MPP7: variants seen among roughly 807,000 people sequenced by gnomAD.
MPP7 encodes MAGUK p55 scaffold protein 7.
In MPP7, 60 loss-of-function variants were observed where a neutral mutation model predicts 76.5. The ratio of observed to expected loss-of-function variants is 0.78; its 90% CI spans 0.64 to 0.97. The LOEUF (loss-of-function observed/expected upper bound fraction) is 0.97. Among genes scored for constraint, MPP7 ranks in the 50% least tolerant of loss-of-function variants. MPP7 has a pLI of 0.00. For synonymous variants in MPP7, 237 were observed against 244.5 expected, an observed-to-expected ratio of 0.97 and a Z score of 0.29; for missense variants, 641 against 694.0, an observed-to-expected ratio of 0.92 and a Z score of 0.86.
rs1835745385 is a variant in MPP7, at chr10:28,147,458, TATTACCGGCGTAAC to T, written c.315+11_315+24del. ...GAAAGTGGCCCTGTTTGAAGGTATT[TATTACCGGCGTAAC>T]ATGTCCTCACCTTCACATTGGGTTT... On this transcript the variant is annotated intron_variant, in intron 5 of 16. Coordinates refer to ENST00000683449, the MANE Select transcript of MPP7 (RefSeq NM_001318170.2). The T allele has an allele frequency of 6.3e-7, 1 of 1,591,800 alleles. No individual in the cohort carries two copies. Among genetic ancestry groups the T allele is most frequent in the Non-Finnish European group, 8.6e-7 (1 of 1,159,598 alleles).
chr10:28,150,644 C>T (rs1835854532), intron 3 of MPP7, among the ~76,000 whole-genome samples: 1 of 152,094 alleles, frequency 6.6e-6, no homozygotes, highest in African/African-American at 2.4e-5. Context: ...CTTTCCCCCT[C>T]AACTTCAAAT....
At chr10:28,332,603 C>G (rs746383986) in intron 1 of MPP7, among the ~76,000 whole-genome samples, 1 of 152,082 alleles carries the variant, frequency 6.6e-6, no homozygotes, top group Non-Finnish European at 1.5e-5. Context: ...AATTGTAGCA[C>G]TTACTCTCCA....
chr10:28,281,927 A>G (rs1840685823), intron 1 of MPP7: 1 of 152,082 alleles, frequency 6.6e-6, no homozygotes, highest in Non-Finnish European at 1.5e-5. Flanking sequence ...TACACCAATT[A>G]AGCAAGGAAG....
chr10:28,112,962 G>C (rs1834550180), intron 11 of MPP7, among the ~76,000 whole-genome samples: 1 of 152,120 alleles, frequency 6.6e-6, no homozygotes, highest in Admixed American at 6.5e-5. Flanking sequence ...ATGGCTTCAA[G>C]CTCTCTGCCT....
At chr10:28,317,145 G>T (rs1166056834) in intron 2 of MPP7, among the ~76,000 whole-genome samples, 1 of 152,174 alleles carries the variant, frequency 6.6e-6, no homozygotes, top group Admixed American at 6.5e-5. Flanking sequence ...GAGCATCCTT[G>T]TCATTAGCAT....
intron 11 of MPP7, among the ~76,000 whole-genome samples, chr10:28,098,516 T>C (rs1281709777): frequency 6.6e-6 from 1 of 151,298 alleles, no homozygotes; most frequent in Non-Finnish European, 1.5e-5. Flanking sequence ...TGTTTCAAAA[T>C]TACTAGATTA....
rs866556210 is a variant in MPP7 at position 28,092,596 on chromosome 10, A to T, written c.953-2755T>A. On this transcript the variant is annotated intron_variant, in intron 11 of 16. Transcript: ENST00000683449. ...AGGGACCTTTTTTTTTTTTTGAGAC[A>T]GGGACTGGCTCTGTTGCCCAGGCTG... Among the ~76,000 whole-genome samples the T allele has an allele frequency of 1.5e-4, 10 of 68,824 alleles. No homozygotes were observed. The South Asian group carries it at 6.3e-3, about 43-fold the overall frequency. The allele number at this position is 68,824 out of a possible 152,430, so 45.2% of individuals were successfully genotyped here. A position where few individuals can be genotyped will look rare whatever the true frequency, so the allele number is the denominator to read the frequency against.
At chr10:28,069,636 T>G (rs1852138037) in intron 13 of MPP7, 136 bp downstream of exon 13, 1 of 498,380 alleles carries the variant, frequency 2.0e-6, no homozygotes, top group Non-Finnish European at 3.4e-6. Context: ...AAAACTCACA[T>G]GCCCCATAAA....
intron 6 of MPP7, among the ~76,000 whole-genome samples, chr10:28,128,870 T>C (rs1045067884): frequency 2.6e-5 from 4 of 152,182 alleles, no homozygotes; most frequent in Admixed American, 2.0e-4. Context: ...TTTAAAGCCA[T>C]GGGCAGAATA....
chr10:28,078,577 T>C (rs1415732990), intron 12 of MPP7, among the ~76,000 whole-genome samples: 1 of 152,220 alleles, frequency 6.6e-6, no homozygotes, highest in African/African-American at 2.4e-5. Flanking sequence ...AGAATGTTTA[T>C]AGCCAAACCA....
chr10:28,104,310 TGGTTAAGA>T (rs1455934942), intron 11 of MPP7, among the ~76,000 whole-genome samples: 2 of 151,962 alleles, frequency 1.3e-5, no homozygotes, highest in Non-Finnish European at 2.9e-5. Flanking sequence ...GGCAAAGAAA[TGGTTAAGA>T]GGAAAAAACA....
intron 14 of MPP7, 110 bp downstream of exon 14, chr10:28,059,540 T>G: frequency 1.6e-6 from 1 of 636,096 alleles, no homozygotes; most frequent in Non-Finnish European, 2.7e-6. Context: ...CAAATATTAT[T>G]ATGATAATTA....
chr10:28,213,441 A>T (rs1299434295), intron 2 of MPP7, among the ~76,000 whole-genome samples: 1 of 152,096 alleles, frequency 6.6e-6, no homozygotes, highest in Non-Finnish European at 1.5e-5. Context: ...ATTTTCAGTA[A>T]ACTAGGAAAC....
intron 2 of MPP7, among the ~76,000 whole-genome samples, chr10:28,233,710 T>C (rs1274985828): frequency 7.9e-6 from 1 of 126,194 alleles, no homozygotes; most frequent in Admixed American, 8.9e-5. Context: ...AGAGCGAGAC[T>C]CCGTCTCAAA....
intron 11 of MPP7, among the ~76,000 whole-genome samples, chr10:28,100,256 A>G (rs1383736164): frequency 6.6e-6 from 1 of 152,154 alleles, no homozygotes; most frequent in Non-Finnish European, 1.5e-5. Context: ...CAATGCTGTT[A>G]TAATAGTGCA....
At chr10:28,327,697 A>T (rs1834431071) in intron 2 of MPP7, among the ~76,000 whole-genome samples, 1 of 152,188 alleles carries the variant, frequency 6.6e-6, no homozygotes, top group East Asian at 1.9e-4. Context: ...ACATGTTTAG[A>T]ACATGAATTT....
intron 11 of MPP7, among the ~76,000 whole-genome samples, chr10:28,091,293 T>C (rs1853287200): frequency 1.3e-5 from 2 of 151,832 alleles, no homozygotes; most frequent in Non-Finnish European, 2.9e-5. Context: ...ATAACTTTTT[T>C]TTTTTTTTTT....
intron 1 of MPP7, among the ~76,000 whole-genome samples, chr10:28,280,936 G>C (rs560197562): frequency 6.6e-6 from 1 of 152,212 alleles, no homozygotes; most frequent in South Asian, 2.1e-4. Flanking sequence ...TCTGACTAGA[G>C]TGGAGGGTAT....
Position 28,076,588 on chromosome 10 carries a change from A to C in MPP7, c.1124-6736T>G, listed in dbSNP as rs189083103. 4.3e-4 allele frequency among the ~76,000 whole-genome samples: 66 copies of C among 152,162 alleles called. No homozygotes were observed. The East Asian group carries it at 0.011, about 25-fold the overall frequency. On this transcript the variant is annotated intron_variant, in intron 12 of 16. Coordinates refer to ENST00000683449, the MANE Select transcript of MPP7 (RefSeq NM_001318170.2). ...GCAAACACAGCAAAACACTATTATA[A>C]AATCCAAATAGAGGCCAGGCCAGGC...
Sources: gnomAD v4.1 joint callset for allele counts (sites outside exome capture counted in the v4.1 genomes callset) on GRCh38, gnomAD v4.1.1 for gene constraint, MANE v1.5 for transcripts, NCBI Gene and HGNC (gene_info 2026-07-23, HGNC 2026-07-21) for gene names.